Variants in C1orf94 observed in about 807,000 individuals in gnomAD.
The protein encoded by C1orf94 is uncharacterized protein C1orf94.
C1orf94 carries 45 observed loss-of-function variants against 53.6 expected under a neutral mutation model. That is an observed-to-expected ratio of 0.84 (90% CI 0.66 to 1.08). C1orf94 has a LOEUF of 1.08. Among genes scored for constraint, C1orf94 ranks in the 50% least tolerant of loss-of-function variants. C1orf94 has a pLI of 0.00. For missense variants in C1orf94, 762 were observed against 738.9 expected (o/e 1.03, Z -0.36); for synonymous variants, 304 against 296.1 (o/e 1.03, Z -0.27).
At chr1:34,194,999 A>G (rs1490583189) in intron 1 of C1orf94, among the ~76,000 whole-genome samples, 2 of 152,016 alleles carry the variant, frequency 1.3e-5, no homozygotes, top group African/African-American at 4.8e-5. Flanking sequence ...CTTTATTCTG[A>G]TTGTTCTCAG....
upstream of C1orf94, among the ~76,000 whole-genome samples, chr1:34,172,455 C>T (rs940883138): frequency 5.9e-5 from 9 of 152,218 alleles, no homozygotes; most frequent in African/African-American, 1.9e-4. Flanking sequence ...TTTAAACCTT[C>T]TTCCTACCCC....
Position 34,177,917 on chromosome 1 carries a change from C to A in C1orf94, c.128C>A (p.Ala43Asp). The change falls in exon 1 of 7, where the codon GCC becomes GAC. Residue 43 changes from alanine (A) to aspartate (D), a missense_variant. Physicochemically the swap from Ala to Asp is moderately radical, Grantham distance 126. Transcript: ENST00000488417. ...GCCCTGGTGGCCAAGGGCCCCTGCG[C>A]CCTGGGCCCATTCCCCAGATACATC... is the stretch of plus-strand genomic sequence containing the variant. ...SSALVAKGPC[A>D]LGPFPRYIWI... The A allele has an allele frequency of 6.4e-7, 1 of 1,551,722 alleles. No homozygotes were observed. Among genetic ancestry groups the A allele is most frequent in the Non-Finnish European group, 8.7e-7 (1 of 1,146,986 alleles).
intron 1 of C1orf94, among the ~76,000 whole-genome samples, chr1:34,190,637 C>T (rs1642466571): frequency 6.6e-6 from 1 of 152,184 alleles, no homozygotes; most frequent in African/African-American, 2.4e-5. Flanking sequence ...TATTCTCACA[C>T]ACAGCATTTC....
chr1:34,189,169 A>G (rs1046253838), intron 1 of C1orf94, among the ~76,000 whole-genome samples: 7 of 150,044 alleles, frequency 4.7e-5, no homozygotes, highest in Non-Finnish European at 8.9e-5. Context: ...CTGTGTGTAC[A>G]TGTGTATGTA....
intron 4 of C1orf94, among the ~76,000 whole-genome samples, chr1:34,206,486 G>A (rs982305846): frequency 1.3e-5 from 2 of 152,222 alleles, no homozygotes; most frequent in East Asian, 3.9e-4. Flanking sequence ...TCCCAGCAGA[G>A]ATCTTTGTGT....
chr1:34,204,063 G>A (rs74063795), intron 4 of C1orf94, among the ~76,000 whole-genome samples: 2 of 152,168 alleles, frequency 1.3e-5, no homozygotes, highest in African/African-American at 4.8e-5. Context: ...GCCCCAGCCT[G>A]GCCCAGCACA....
chr1:34,218,341 G>C (rs538902025), intron 6 of C1orf94, among the ~76,000 whole-genome samples: 5 of 152,260 alleles, frequency 3.3e-5, no homozygotes, highest in Admixed American at 2.0e-4. Context: ...AGGTAGAGTG[G>C]TCACAGGAAT....
Position 34,197,147 on chromosome 1 carries a change from TG to T in C1orf94, c.321-74del. On this transcript the variant is annotated intron_variant, in intron 1 of 6. Coordinates refer to ENST00000488417, the MANE Select transcript of C1orf94 (RefSeq NM_001134734.2). This position sits in a 1 kb window ranked among gnomAD's most constrained non-coding sequence, Gnocchi z 4.1. ...ATGTTATGCATCCATCTCCCTTTTC[TG>T]GGGCCTATGTCCTTCTGCAAAGCCA... 7.7e-7 allele frequency: 1 copy of T among 1,296,584 alleles called. No homozygotes were observed. Among genetic ancestry groups the T allele is most frequent in the Non-Finnish European group, 1.0e-6 (1 of 957,568 alleles). The allele number at this position is 1,296,584 out of a possible 1,614,324, so 80.3% of individuals were successfully genotyped here.
Position 34,171,807 on chromosome 1 carries a change from A to G in C1orf94, c.-251+4636A>G, listed in dbSNP as rs761197648. On this transcript the variant is annotated intron_variant, in intron 1 of 6. Coordinates refer to the C1orf94 transcript ENST00000373374. ...TATTTTCTGCTGTCAGAAAACAAAAACTCTGCCACCCGACGTGTTTCCATT... is the reference window on the plus strand; with the variant it reads ...TATTTTCTGCTGTCAGAAAACAAAAGCTCTGCCACCCGACGTGTTTCCATT... Among the ~76,000 whole-genome samples, 40 of 152,146 alleles carry G rather than the reference A, an allele frequency of 2.6e-4. 1 individual carries two copies. The highest frequency in any genetic ancestry group is 3.9e-4 in the Admixed American group (6 of 15,276).
intron 6 of C1orf94, among the ~76,000 whole-genome samples, chr1:34,214,372 G>A (rs538019893): frequency 1.3e-5 from 2 of 152,338 alleles, no homozygotes; most frequent in Middle Eastern, 6.8e-3. Context: ...GGACTGCTAG[G>A]CCTGGGGATC....
At chr1:34,216,807 G>A (rs1233065752) in intron 6 of C1orf94, among the ~76,000 whole-genome samples, 6 of 152,122 alleles carry the variant, frequency 3.9e-5, no homozygotes, top group Non-Finnish European at 7.4e-5. Context: ...GGCCAGACAC[G>A]GTGGCTCACA....
chr1:34,169,506 G>A (rs1031286160), intron 1 of C1orf94, among the ~76,000 whole-genome samples: 2 of 151,970 alleles, frequency 1.3e-5, no homozygotes, highest in Non-Finnish European at 2.9e-5. Context: ...ATGCTCTGGA[G>A]AACTCTGCCT....
At chr1:34,191,408 C>A (rs924678444) in intron 1 of C1orf94, among the ~76,000 whole-genome samples, 4 of 152,040 alleles carry the variant, frequency 2.6e-5, no homozygotes, top group Non-Finnish European at 5.9e-5. Context: ...CAGCCCTCTC[C>A]CTGACCTCCC....
chr1:34,174,646 C>G (rs1214410329), upstream of C1orf94, among the ~76,000 whole-genome samples: 1 of 152,148 alleles, frequency 6.6e-6, no homozygotes, highest in East Asian at 1.9e-4. Context: ...AGAACACAGC[C>G]AAGTGCAAGC....
chr1:34,196,084 C>T (rs1642574582), intron 1 of C1orf94, among the ~76,000 whole-genome samples: 1 of 152,176 alleles, frequency 6.6e-6, no homozygotes, highest in Non-Finnish European at 1.5e-5. Context: ...CCACCTCATC[C>T]ACTTCTCATA....
chr1:34,210,377 AC>A (rs773061795), intron 5 of C1orf94, among the ~76,000 whole-genome samples: 1 of 152,178 alleles, frequency 6.6e-6, no homozygotes, highest in Non-Finnish European at 1.5e-5. Context: ...ATTGGGGAAG[AC>A]CGGGAGGGAG....
chr1:34,186,838 G>A (rs529478668), intron 1 of C1orf94, among the ~76,000 whole-genome samples: 6 of 152,292 alleles, frequency 3.9e-5, no homozygotes, highest in African/African-American at 1.2e-4. Flanking sequence ...TTCCTCTTCC[G>A]CTACTGCACT....
intron 1 of C1orf94, among the ~76,000 whole-genome samples, chr1:34,170,780 C>G (rs1642135139): frequency 6.6e-6 from 1 of 151,288 alleles, no homozygotes; most frequent in South Asian, 2.1e-4. Flanking sequence ...CTGCTCAGCT[C>G]CCCAATTCAG....
intron 1 of C1orf94, among the ~76,000 whole-genome samples, chr1:34,187,765 A>AC (rs1557479575): frequency 8.9e-3 from 184 of 20,650 alleles, no homozygotes; most frequent in African/African-American, 0.012. Flanking sequence ...CACTGAATCC[A>AC]CCCACCCCCC....
Sources: allele counts gnomAD v4.1 joint callset (sites outside exome capture counted in the v4.1 genomes callset), GRCh38; gene constraint gnomAD v4.1.1; non-coding constraint Gnocchi (gnomAD v3.1); transcripts MANE v1.5; gene names NCBI Gene and HGNC (gene_info 2026-07-23, HGNC 2026-07-21).